ALS2: variants seen among roughly 807,000 people sequenced by gnomAD.
ALS2 encodes alsin Rho guanine nucleotide exchange factor ALS2.
ALS2 carries 117 observed loss-of-function variants against 203.4 expected under a neutral mutation model. The observed-to-expected ratio is 0.58, with a 90% confidence interval of 0.50 to 0.67. ALS2 has a LOEUF of 0.67. ALS2 is among the 30% of genes least tolerant of loss of function. The pLI, the probability that ALS2 is intolerant of heterozygous loss-of-function variation, is 0.00. For synonymous variants in ALS2, 718 were observed against 725.9 expected, an observed-to-expected ratio of 0.99 and a Z score of 0.17; for missense variants, 1,715 against 1,989.4, an observed-to-expected ratio of 0.86 and a Z score of 2.62.
intron 6 of ALS2, among the ~76,000 whole-genome samples, chr2:201,754,153 T>C (rs1174363419): frequency 6.6e-6 from 1 of 151,932 alleles, no homozygotes; most frequent in South Asian, 2.1e-4. Flanking sequence ...GCTGGAATTA[T>C]AGGAGCCCAC....
At chr2:201,744,022 T>C (rs776665851) in intron 10 of ALS2, among the ~76,000 whole-genome samples, 10 of 152,160 alleles carry the variant, frequency 6.6e-5, no homozygotes, top group Non-Finnish European at 1.5e-4. Context: ...AAAGTTCCAT[T>C]TTCTACTTCT....
chr2:201,739,924 T>A lies in ALS2; in HGVS notation c.2352-1189A>T, dbSNP rs529924790. Among the ~76,000 whole-genome samples, 6 of 152,322 alleles carry A rather than the reference T, an allele frequency of 3.9e-5. No homozygotes were observed. In the South Asian group the frequency reaches 6.2e-4, roughly 16 times the overall value. On this transcript the variant is annotated intron_variant, in intron 11 of 33. Transcript: ENST00000264276. ...ACTTGGGCTGGCAAATGGAATCAACTGACTTTGAGGAAGAAGGGAAACTCC... is the reference window on the plus strand; with the variant it reads ...ACTTGGGCTGGCAAATGGAATCAACAGACTTTGAGGAAGAAGGGAAACTCC...
chr2:201,744,471 T>G (rs564429912), intron 9 of ALS2, 42 bp from the exon 10 acceptor site: 1 of 1,561,482 alleles, frequency 6.4e-7, no homozygotes, highest in African/African-American at 1.4e-5. Flanking sequence ...TAACATATAA[T>G]TATGTTACTA....
rs532217889 is a variant in ALS2 at position 201,768,947 on chromosome 2, T to C, written c.-60-2A>G. 3.3e-5 allele frequency: 50 copies of C among 1,504,544 alleles called. No homozygotes were observed. The highest frequency in any genetic ancestry group is 4.3e-5 in the Non-Finnish European group (47 of 1,084,506). 93.2% of individuals were successfully genotyped at this position (1,504,544 alleles called of 1,614,324 possible). On this transcript the variant is annotated splice_acceptor_variant, in intron 1 of 33. Coordinates refer to ENST00000264276, the MANE Select transcript of ALS2 (RefSeq NM_020919.4). LOFTEE classifies it low-confidence loss of function (5UTR_SPLICE). ...TCTTTACAGAAAGTCTATCAAGACC[T>C]AAACAGTACAAGTAAGGAAAAGAGC... is the stretch of plus-strand genomic sequence containing the variant.
At chr2:201,731,802 GAA>G (rs986064474) in intron 13 of ALS2, among the ~76,000 whole-genome samples, 2 of 152,074 alleles carry the variant, frequency 1.3e-5, no homozygotes, top group African/African-American at 4.8e-5. Context: ...AATAGAGAAA[GAA>G]AGTGTTAGCA....
In ALS2 at chr2:201,700,942, G is replaced by A. The variant is rs1244829638; in HGVS notation, c.*909C>T. Reference sequence around the variant, plus strand: ...ATCCTGAGTTCAGTGTGAAGTATAGGGAAGAACAACACCAGGCTGGGGATC... The same window carrying A: ...ATCCTGAGTTCAGTGTGAAGTATAGAGAAGAACAACACCAGGCTGGGGATC... On this transcript the variant is annotated 3_prime_UTR_variant, in exon 34 of 34. Transcript: ENST00000264276. The A allele has an allele frequency of 6.6e-6, 1 of 152,230 alleles. No individual in the cohort carries two copies. Among genetic ancestry groups the A allele is most frequent in the Non-Finnish European group, 1.5e-5 (1 of 68,026 alleles). 9.4% of individuals were successfully genotyped at this position (152,230 alleles called of 1,614,324 possible).
chr2:201,724,282 G>A lies in ALS2; in HGVS notation c.3512+13C>T. On this transcript the variant is annotated intron_variant, in intron 21 of 33. Coordinates refer to ENST00000264276, the MANE Select transcript of ALS2 (RefSeq NM_020919.4). ...TTGGCTTAAACTGTGGGAATAGAAG[G>A]AGAATACTGTACCTAGTGATATCAT... 6.2e-7 allele frequency: 1 copy of A among 1,610,662 alleles called. No individual in the cohort carries two copies. The highest frequency in any genetic ancestry group is 8.5e-7 in the Non-Finnish European group (1 of 1,177,124).
In ALS2 at chr2:201,761,214, A is replaced by C; in HGVS notation, c.780T>G (p.Gly260=). ...CTGCCTGAGATTCTGTCAGTGTCAC[A>C]CCTAATGGGCAACAATGACTGTCTG... The part of the protein sequence containing the change: ...IISDSHCCPL[G]VTLTESQAEN... Residue 260 remains glycine (G), a synonymous_variant, in exon 4 of 34, where the codon GGT becomes GGG. Coordinates refer to ENST00000264276, the MANE Select transcript of ALS2 (RefSeq NM_020919.4). 6.2e-7 allele frequency: 1 copy of C among 1,614,116 alleles called. No homozygotes were observed. Among genetic ancestry groups the C allele is most frequent in the Non-Finnish European group, 8.5e-7 (1 of 1,180,034 alleles).
intron 1 of ALS2, among the ~76,000 whole-genome samples, chr2:201,776,353 T>G (rs1694660374): frequency 6.6e-6 from 1 of 152,126 alleles, no homozygotes; most frequent in Non-Finnish European, 1.5e-5. Context: ...GATCCTCTAA[T>G]CGGAAATTAT....
At chr2:201,723,287 C>G in intron 22 of ALS2, 43 bp downstream of exon 22, 1 of 1,511,284 alleles carries the variant, frequency 6.6e-7, no homozygotes, top group Non-Finnish European at 9.2e-7. Flanking sequence ...GACAAAGGAG[C>G]TTTAAAAAGT....
At chr2:201,764,392 G>C (rs1693951763) in intron 3 of ALS2, among the ~76,000 whole-genome samples, 1 of 152,124 alleles carries the variant, frequency 6.6e-6, no homozygotes, top group African/African-American at 2.4e-5. Context: ...AGCACTTTGG[G>C]AGGCAGAGGC....
At chr2:201,770,129 G>A (rs115187367) in intron 1 of ALS2, among the ~76,000 whole-genome samples, 13 of 152,314 alleles carry the variant, frequency 8.5e-5, no homozygotes, top group Non-Finnish European at 1.8e-4. Flanking sequence ...GGTGTACAGA[G>A]AAATTCTGCC....
rs546436422 is a variant in ALS2, at chr2:201,756,684, A to C, written c.1471+718T>G. ...AGAGACAGGATGTCCTACAAACCTT[A>C]AAATATTTCTCTTTGGCTCTTTACA... On this transcript the variant is annotated intron_variant, in intron 5 of 33. Transcript: ENST00000264276. Among the ~76,000 whole-genome samples the C allele has an allele frequency of 2.0e-5, 3 of 152,398 alleles. No homozygotes were observed. In the South Asian group the frequency reaches 6.2e-4, roughly 32 times the overall value.
intron 13 of ALS2, 142 bp downstream of exon 13, chr2:201,733,134 T>TTCC (rs2106023466): frequency 1.0e-6 from 1 of 953,400 alleles, no homozygotes; most frequent in Non-Finnish European, 1.6e-6. Flanking sequence ...CCTCTGTCAT[T>TTCC]TCCCTGAAGA....
At position 201,711,042 on chromosome 2, in the gene ALS2, A is replaced by G; in HGVS notation, c.4071T>C (p.Val1357=). 2 of 1,613,100 alleles carry G rather than the reference A, an allele frequency of 1.2e-6. No homozygotes were observed. The highest frequency in any genetic ancestry group is 1.7e-6 in the Non-Finnish European group (2 of 1,179,216). ...CATATTTCTCCACAGAGAAGGCACC[A>G]ACATGCTGTGGAATGAATTCCAAAC... The part of the protein sequence containing the change: ...LESLEFIPQH[V]GAFSVEKYDD... Residue 1357 remains valine (V), a synonymous_variant, in exon 26 of 34, where the codon GTT becomes GTC. Transcript: ENST00000264276.
rs751712553 is a variant in ALS2 at position 201,723,022 on chromosome 2, AAAAG to A, written c.3702+17_3702+20del. The A allele has an allele frequency of 4.5e-6, 7 of 1,564,882 alleles. No homozygotes were observed. The highest frequency in any genetic ancestry group is 4.1e-5 in the African/African-American group (3 of 72,770). On this transcript the variant is annotated intron_variant, in intron 23 of 33. Coordinates refer to ENST00000264276, the MANE Select transcript of ALS2 (RefSeq NM_020919.4). ...TAAAAGAATTTATTAGGGAGAAAAA[AAAAG>A]AAAGCTAGTTTCCAACCTTTCCACT... is the stretch of plus-strand genomic sequence containing the variant.
In ALS2 at chr2:201,766,903, G is replaced by A. The variant is rs1446340843; in HGVS notation, c.175+326C>T. Reference sequence around the variant, plus strand: ...TGGGAATTGAAAAACGAGAACACATGGACACAGTAAGGGGAACATCACACA... The same window carrying A: ...TGGGAATTGAAAAACGAGAACACATAGACACAGTAAGGGGAACATCACACA... On this transcript the variant is annotated intron_variant, in intron 3 of 33. Coordinates refer to ENST00000264276, the MANE Select transcript of ALS2 (RefSeq NM_020919.4). Among the ~76,000 whole-genome samples, 6 of 148,018 alleles carry A rather than the reference G, an allele frequency of 4.1e-5. No homozygotes were observed. In the Admixed American group the frequency reaches 4.1e-4, roughly 10 times the overall value.
At chr2:201,777,121 C>A (rs1269205648) in intron 1 of ALS2, among the ~76,000 whole-genome samples, 1 of 152,140 alleles carries the variant, frequency 6.6e-6, no homozygotes, top group African/African-American at 2.4e-5. Flanking sequence ...AATTTTGTAT[C>A]TGAGTCACAA....
In ALS2 at chr2:201,757,516, G is replaced by A; in HGVS notation, c.1357C>T (p.Gln453Ter). ...PEGLKDSREE[Q>*]VKQESMQGKK... is the part of the protein sequence containing the mutation. ...CCTTGCATTGATTCCTGTTTAACCT[G>A]TTCTTCCCTGCTATCTTTCAAACCT... The change falls in exon 5 of 34, where the codon CAG (glutamine) becomes TAG (stop). Residue 453 changes from glutamine to a stop codon, truncating the protein, a stop_gained. Coordinates refer to ENST00000264276, the MANE Select transcript of ALS2 (RefSeq NM_020919.4). LOFTEE classifies it high-confidence loss of function. 6.2e-7 allele frequency: 1 copy of A among 1,614,038 alleles called. No individual in the cohort carries two copies. The highest frequency in any genetic ancestry group is 8.5e-7 in the Non-Finnish European group (1 of 1,179,978).
Sources: allele counts gnomAD v4.1 joint callset (sites outside exome capture counted in the v4.1 genomes callset), GRCh38; gene constraint gnomAD v4.1.1; transcripts MANE v1.5; gene names NCBI Gene and HGNC (gene_info 2026-07-23, HGNC 2026-07-21).